SHC3: variants seen among roughly 807,000 people sequenced by gnomAD.
The protein encoded by SHC3 is SHC-transforming protein 3.
In SHC3, 15 loss-of-function variants were observed where a neutral mutation model predicts 60.4. The ratio of observed to expected loss-of-function variants is 0.25; its 90% confidence interval spans 0.17 to 0.38. The LOEUF is 0.38. SHC3 is among the 10% of genes least tolerant of loss of function. The pLI is 1.00. For synonymous variants in SHC3, 294 were observed against 325.9 expected, an observed-to-expected ratio of 0.90 and a Z score of 1.05; for missense variants, 677 against 786.1, an observed-to-expected ratio of 0.86 and a Z score of 1.66.
At position 89,052,262 on chromosome 9, in the gene SHC3, T is replaced by G. The variant is rs78096638; in HGVS notation, c.836-99A>C. On this transcript the variant is annotated intron_variant, in intron 6 of 11. Transcript: ENST00000375835. ...TGCTGAGGACACAGGGACAGAGAGG[T>G]GCATGCTTCTTCCATAATATGTCCT... is the stretch of plus-strand genomic sequence containing the variant. 1.6e-4 allele frequency: 232 copies of G among 1,443,330 alleles called. No homozygotes were observed. The East Asian group carries it at 3.5e-3, about 22-fold the overall frequency. 89.4% of individuals were successfully genotyped at this position (1,443,330 alleles called of 1,614,324 possible). A position where few individuals can be genotyped will look rare whatever the true frequency, so the allele number is the denominator to read the frequency against.
At chr9:89,062,965 G>C (rs1825115195) in intron 6 of SHC3, among the ~76,000 whole-genome samples, 1 of 152,228 alleles carries the variant, frequency 6.6e-6, no homozygotes, top group Admixed American at 6.5e-5. Flanking sequence ...GGCTGCTGGA[G>C]GGATGCAGTT....
intron 11 of SHC3, among the ~76,000 whole-genome samples, chr9:89,026,112 G>A (rs928162505): frequency 6.6e-6 from 1 of 152,062 alleles, no homozygotes; most frequent in African/African-American, 2.4e-5. Context: ...CAAATTAGCT[G>A]GGCGTGGTGG....
intron 2 of SHC3, among the ~76,000 whole-genome samples, chr9:89,101,617 A>AT (rs199967818): frequency 0.011 from 1,626 of 149,426 alleles, 32 homozygotes; most frequent in African/African-American, 0.037. Context: ...ATATATATAT[A>AT]TATTTTTTTT....
chr9:89,074,265 G>C (rs534698528), intron 4 of SHC3, among the ~76,000 whole-genome samples: 1 of 152,246 alleles, frequency 6.6e-6, no homozygotes, highest in Admixed American at 6.5e-5. Flanking sequence ...GAATCAGGTA[G>C]AGTATTATAT....
intron 1 of SHC3, among the ~76,000 whole-genome samples, chr9:89,155,119 G>A (rs1280165021): frequency 6.6e-6 from 1 of 152,142 alleles, no homozygotes; most frequent in Admixed American, 6.5e-5. Flanking sequence ...ACCCTGTGTG[G>A]CCTGCTGACC....
intron 1 of SHC3, among the ~76,000 whole-genome samples, chr9:89,129,787 C>A (rs2118161591): frequency 6.6e-6 from 1 of 152,294 alleles, no homozygotes; most frequent in South Asian, 2.1e-4. Flanking sequence ...CAACCAGTAC[C>A]AGCCACAGCA....
Position 89,009,950 on chromosome 9 carries a change from CAT to C in SHC3, c.*3495_*3496del, listed in dbSNP as rs1825994805. Reference sequence around the variant, plus strand: ...AGACATGGAGGTTGGGCTGGACACACATGTCCACTGTTCCCCTGGCACATGGG... The same window carrying C: ...AGACATGGAGGTTGGGCTGGACACACGTCCACTGTTCCCCTGGCACATGGG... On this transcript the variant is annotated 3_prime_UTR_variant, in exon 12 of 12. Coordinates refer to ENST00000375835, the MANE Select transcript of SHC3 (RefSeq NM_016848.6). 1 of 152,280 alleles carries C rather than the reference CAT, an allele frequency of 6.6e-6. No homozygotes were observed. Among genetic ancestry groups the C allele is most frequent in the Admixed American group, 6.5e-5 (1 of 15,286 alleles). The allele number at this position is 152,280 out of a possible 1,614,324, so 9.4% of individuals were successfully genotyped here. A position where few individuals can be genotyped will look rare whatever the true frequency, so the allele number is the denominator to read the frequency against.
At chr9:89,109,821 T>C (rs1260196324) in intron 2 of SHC3, 3 of 985,356 alleles carry the variant, frequency 3.0e-6, no homozygotes, top group Non-Finnish European at 3.6e-6. Flanking sequence ...TTAACACTCA[T>C]ACCAAGATCA....
In SHC3 at chr9:89,010,601, C is replaced by T. The variant is rs528682654; in HGVS notation, c.*2846G>A. The T allele has an allele frequency of 1.3e-5, 2 of 152,670 alleles. No individual in the cohort carries two copies. The highest frequency in any genetic ancestry group is 4.8e-5 in the African/African-American group (2 of 41,592). 9.5% of individuals were successfully genotyped at this position (152,670 alleles called of 1,614,324 possible). Reference sequence around the variant, plus strand: ...GGTGCCCATTGGAGGGACAGCAGGGCCCAGGTGCACTCTGCAGGACCAGGG... The same window carrying T: ...GGTGCCCATTGGAGGGACAGCAGGGTCCAGGTGCACTCTGCAGGACCAGGG... On this transcript the variant is annotated 3_prime_UTR_variant, in exon 12 of 12. Coordinates refer to ENST00000375835, the MANE Select transcript of SHC3 (RefSeq NM_016848.6).
chr9:89,112,881 A>G (rs917368234), intron 1 of SHC3, among the ~76,000 whole-genome samples: 1 of 152,182 alleles, frequency 6.6e-6, no homozygotes, highest in Non-Finnish European at 1.5e-5. Flanking sequence ...ATTTGGATGT[A>G]CACTTTTTAA....
intron 1 of SHC3, among the ~76,000 whole-genome samples, chr9:89,161,495 A>C (rs903670756): frequency 6.6e-6 from 1 of 152,208 alleles, no homozygotes; most frequent in Non-Finnish European, 1.5e-5. Context: ...CAGCAATGCG[A>C]GAATGGGCTA....
chr9:89,038,210 G>T lies in SHC3; in HGVS notation c.1439C>A (p.Pro480His). 4 of 1,614,082 alleles carry T rather than the reference G, an allele frequency of 2.5e-6. No homozygotes were observed. The highest frequency in any genetic ancestry group is 3.4e-6 in the Non-Finnish European group (4 of 1,180,020). ...SKAASVECIS[P>H]VSPRAPDAKM... ...GGCATCTGGGGCTCTAGGTGACACA[G>T]GGCTGATGCACTCCACGGAGGCTGC... The change falls in exon 11 of 12, where the codon CCT (proline) becomes CAT (histidine). Residue 480 changes from proline to histidine, a missense_variant. By Grantham distance (77) the Pro-to-His change is moderately conservative. Transcript: ENST00000375835.
intron 11 of SHC3, among the ~76,000 whole-genome samples, chr9:89,036,700 A>G (rs1000512758): frequency 3.9e-5 from 6 of 152,308 alleles, no homozygotes; most frequent in African/African-American, 1.4e-4. Flanking sequence ...AGGAAGAAAC[A>G]AAATGGGATT....
At chr9:89,150,890 A>T (rs1266151610) in intron 1 of SHC3, among the ~76,000 whole-genome samples, 1 of 151,994 alleles carries the variant, frequency 6.6e-6, no homozygotes, top group African/African-American at 2.4e-5. Context: ...CATTTTTTTA[A>T]TTATAGCTTT....
At chr9:89,105,160 G>A (rs1328649390) in intron 2 of SHC3, among the ~76,000 whole-genome samples, 1 of 152,146 alleles carries the variant, frequency 6.6e-6, no homozygotes, top group Non-Finnish European at 1.5e-5. Context: ...CATCTTGATG[G>A]TCTTGTAATG....
chr9:89,017,966 G>C (rs990852671), intron 11 of SHC3, among the ~76,000 whole-genome samples: 2 of 152,216 alleles, frequency 1.3e-5, no homozygotes, highest in African/African-American at 4.8e-5. Context: ...AGTTAGAGTG[G>C]TGATCATTAA....
intron 1 of SHC3, among the ~76,000 whole-genome samples, chr9:89,142,477 G>A (rs556979185): frequency 3.5e-4 from 53 of 151,934 alleles, no homozygotes; most frequent in African/African-American, 1.1e-3. Context: ...AGGTCCAGAA[G>A]TTCAAAACCA....
chr9:89,120,025 T>C (rs1826070515), intron 1 of SHC3, among the ~76,000 whole-genome samples: 1 of 152,174 alleles, frequency 6.6e-6, no homozygotes, highest in Non-Finnish European at 1.5e-5. Context: ...CCCAGCGCCA[T>C]TGTGCAAGGT....
intron 2 of SHC3, among the ~76,000 whole-genome samples, chr9:89,105,244 G>T (rs1342688285): frequency 6.6e-6 from 1 of 152,148 alleles, no homozygotes; most frequent in African/African-American, 2.4e-5. Context: ...TACTCAAGCA[G>T]CAGTATAACT....
Sources: gnomAD v4.1 joint callset for allele counts (sites outside exome capture counted in the v4.1 genomes callset) on GRCh38, gnomAD v4.1.1 for gene constraint, MANE v1.5 for transcripts, NCBI Gene and HGNC (gene_info 2026-07-23, HGNC 2026-07-21) for gene names.